The following RYR2 variants were observed in gnomAD, a reference collection of about 807,000 sequenced individuals.
The protein encoded by RYR2 is cardiac muscle ryanodine receptor-calcium release channel.
In RYR2, 227 loss-of-function variants were observed where a neutral mutation model predicts 601.1. That is an observed-to-expected ratio of 0.38 (90% CI 0.34 to 0.42). The LOEUF (loss-of-function observed/expected upper bound fraction) is 0.42, where lower values mean the gene tolerates loss of function less well. Ranked by LOEUF, RYR2 falls within the 10% of genes least tolerant of loss-of-function variation. The probability of loss-of-function intolerance (pLI) is 1.00; values close to 1 mark genes in which losing one functional copy is unlikely to be tolerated. For missense variants in RYR2, 4,646 were observed against 6,156.5 expected, an observed-to-expected ratio of 0.75 and a Z score of 8.21; for synonymous variants, 2,223 against 2,175.1, an observed-to-expected ratio of 1.02 and a Z score of -0.61.
intron 27 of RYR2, among the ~76,000 whole-genome samples, chr1:237,551,001 G>C (rs563262439): frequency 6.6e-6 from 1 of 152,234 alleles, no homozygotes; most frequent in East Asian, 1.9e-4. Context: ...CCCTCCTCCA[G>C]AACAGCTGAT....
intron 1 of RYR2, among the ~76,000 whole-genome samples, chr1:237,159,788 A>G (rs967521292): frequency 2.6e-5 from 4 of 152,234 alleles, no homozygotes; most frequent in African/African-American, 7.2e-5. Flanking sequence ...GAAAGTTTCA[A>G]CTTATAGGGA....
At chr1:237,516,765 C>G (rs1029887006) in intron 24 of RYR2, among the ~76,000 whole-genome samples, 1 of 152,136 alleles carries the variant, frequency 6.6e-6, no homozygotes, top group Non-Finnish European at 1.5e-5. Context: ...TCACCTTTGA[C>G]TCTTCCCTTT....
intron 3 of RYR2, among the ~76,000 whole-genome samples, chr1:237,354,236 T>C (rs573637639): frequency 3.9e-5 from 6 of 152,276 alleles, no homozygotes; most frequent in Admixed American, 2.6e-4. Flanking sequence ...TTTTGTAATA[T>C]AGAACATTAA....
At chr1:237,643,208 A>C in intron 47 of RYR2, 119 bp from the exon 48 acceptor site, 1 of 1,237,728 alleles carries the variant, frequency 8.1e-7, no homozygotes, top group Non-Finnish European at 1.1e-6. Flanking sequence ...GCATAACTTT[A>C]TGTATACACT....
chr1:237,624,156 G>C (rs896954048), intron 39 of RYR2, among the ~76,000 whole-genome samples: 10 of 152,110 alleles, frequency 6.6e-5, no homozygotes, highest in Admixed American at 1.3e-4. Context: ...TGGGAAGGGG[G>C]ACATGTGGCC....
intron 24 of RYR2, among the ~76,000 whole-genome samples, chr1:237,524,840 C>T (rs189221940): frequency 1.3e-5 from 2 of 152,032 alleles, no homozygotes; most frequent in Non-Finnish European, 2.9e-5. Context: ...CTGTTGAGAC[C>T]TTTCACTGAT....
intron 73 of RYR2, among the ~76,000 whole-genome samples, chr1:237,719,862 C>A (rs1287607546): frequency 2.6e-5 from 4 of 152,086 alleles, no homozygotes; most frequent in Admixed American, 1.3e-4. Context: ...CCGTCTCCAA[C>A]ACTGAGGATT....
chr1:237,274,753 T>C (rs1482006230), intron 2 of RYR2, among the ~76,000 whole-genome samples: 1 of 152,170 alleles, frequency 6.6e-6, no homozygotes, highest in East Asian at 1.9e-4. Context: ...GTGTCCTATA[T>C]AGGTGTACCG....
intron 33 of RYR2, 66 bp downstream of exon 33, chr1:237,593,702 C>T: frequency 2.0e-6 from 3 of 1,501,918 alleles, no homozygotes; most frequent in South Asian, 1.2e-5. Flanking sequence ...CTAGCTATTC[C>T]TTTTCCTTGT....
rs1689875213 is a variant in RYR2, at chr1:237,722,983, A to T, written c.10555-145A>T. 7.8e-6 allele frequency: 5 copies of T among 637,760 alleles called. No individual in the cohort carries two copies. In the East Asian group the frequency reaches 1.3e-4, roughly 16 times the overall value. 39.5% of individuals were successfully genotyped at this position (637,760 alleles called of 1,614,324 possible). On this transcript the variant is annotated intron_variant, in intron 73 of 104. Coordinates refer to ENST00000366574, the MANE Select transcript of RYR2 (RefSeq NM_001035.3). The stretch of plus-strand genomic sequence containing the variant: ...AGATCTCCAGACCTGTTCATCCTAC[A>T]TAACTGCAGCTGCGCGTCATGTCTT...
At chr1:237,411,282 A>AT (rs956961799) in intron 10 of RYR2, among the ~76,000 whole-genome samples, 4 of 152,212 alleles carry the variant, frequency 2.6e-5, no homozygotes, top group East Asian at 1.9e-4. Flanking sequence ...TGTGTTTATT[A>AT]TTTTTTTAAA....
intron 26 of RYR2, 49 bp downstream of exon 26, chr1:237,548,639 G>C: frequency 9.4e-6 from 15 of 1,593,222 alleles, no homozygotes; most frequent in Non-Finnish European, 1.2e-5. Context: ...GTGGGAATTA[G>C]CATAATTTGT....
At chr1:237,140,757 G>C (rs557663385) in intron 1 of RYR2, among the ~76,000 whole-genome samples, 1 of 152,168 alleles carries the variant, frequency 6.6e-6, no homozygotes, top group Admixed American at 6.5e-5. Context: ...ACCATTACAG[G>C]TGTCTTTGAC....
intron 5 of RYR2, among the ~76,000 whole-genome samples, chr1:237,368,163 A>C (rs57987624): frequency 0.015 from 2,354 of 152,312 alleles, 67 homozygotes; most frequent in African/African-American, 0.054. Context: ...GGGCTGTGCA[A>C]TTCAAACCTG....
intron 42 of RYR2, among the ~76,000 whole-genome samples, chr1:237,632,368 T>C (rs964830812): frequency 7.9e-5 from 12 of 151,954 alleles, no homozygotes; most frequent in Admixed American, 2.6e-4. Flanking sequence ...ATGTATTTGT[T>C]GTAGAATTCT....
At position 237,148,585 on chromosome 1, in the gene RYR2, CAT is replaced by C. The variant is rs140372872; in HGVS notation, c.48+106027_48+106028del. Among the ~76,000 whole-genome samples, 29 of 136,616 alleles carry C rather than the reference CAT, an allele frequency of 2.1e-4. 1 individual carries two copies. Among genetic ancestry groups the C allele is most frequent in the Middle Eastern group, 7.5e-3 (2 of 266 alleles). The allele number at this position is 136,616 out of a possible 152,430, so 89.6% of individuals were successfully genotyped here. ...ACACATATATATATATATACACACA[CAT>C]ATATATATATGTGCATGTGGTATGG... On this transcript the variant is annotated intron_variant, in intron 1 of 104. Transcript: ENST00000366574.
intron 47 of RYR2, among the ~76,000 whole-genome samples, chr1:237,643,069 T>C (rs149620675): frequency 1.4e-4 from 21 of 152,362 alleles, no homozygotes; most frequent in African/African-American, 4.8e-4. Flanking sequence ...GGATAAAAAC[T>C]ATTATTCTAA....
intron 3 of RYR2, chr1:237,333,621 T>A: frequency 2.2e-6 from 1 of 456,092 alleles, no homozygotes; most frequent in Non-Finnish European, 4.4e-6. Context: ...ACCAGCTAGA[T>A]ATCATGTCTG....
chr1:237,507,518 G>C (rs1665392239), intron 23 of RYR2, among the ~76,000 whole-genome samples: 1 of 152,132 alleles, frequency 6.6e-6, no homozygotes, highest in Admixed American at 6.5e-5. Context: ...GGAAATTAAT[G>C]TATTTACCCT....
Sources: gnomAD v4.1 joint callset for allele counts (sites outside exome capture counted in the v4.1 genomes callset) on GRCh38, gnomAD v4.1.1 for gene constraint, MANE v1.5 for transcripts, NCBI Gene and HGNC (gene_info 2026-07-23, HGNC 2026-07-21) for gene names.